PCDHA8: variants seen among roughly 807,000 people sequenced by gnomAD.
The protein encoded by PCDHA8 is protocadherin alpha 8.
In PCDHA8, 53 loss-of-function variants were observed where a neutral mutation model predicts 61.8. That is an observed-to-expected ratio of 0.86 (90% CI 0.69 to 1.08). The LOEUF (loss-of-function observed/expected upper bound fraction) is 1.08, where lower values mean the gene tolerates loss of function less well. Among genes scored for constraint, PCDHA8 ranks in the 50% least tolerant of loss-of-function variants. The probability of loss-of-function intolerance (pLI) is 0.00; values close to 1 mark genes in which losing one functional copy is unlikely to be tolerated. For synonymous variants in PCDHA8, 618 were observed against 556.6 expected, an observed-to-expected ratio of 1.11 and a Z score of -1.55; for missense variants, 1,293 against 1,245.0, an observed-to-expected ratio of 1.04 and a Z score of -0.58.
At chr5:140,876,082 C>A in intron 1 of PCDHA8, 1 of 1,613,932 alleles carries the variant, frequency 6.2e-7, no homozygotes, top group Non-Finnish European at 8.5e-7. Context: ...GGACAGAGAG[C>A]AAACGCCAAA....
intron 1 of PCDHA8, chr5:140,884,510 T>C: frequency 3.1e-6 from 5 of 1,613,982 alleles, no homozygotes; most frequent in Non-Finnish European, 3.4e-6. Context: ...GGCAGGGAGT[T>C]GGTCGTACTC....
At chr5:140,945,034 C>T (rs1218648203) in intron 1 of PCDHA8, among the ~76,000 whole-genome samples, 1 of 152,066 alleles carries the variant, frequency 6.6e-6, no homozygotes, top group East Asian at 1.9e-4. Flanking sequence ...ACATAATTAT[C>T]TTTGGTCTTA....
At chr5:141,005,469 C>T (rs549630927) in intron 3 of PCDHA8, among the ~76,000 whole-genome samples, 2 of 151,656 alleles carry the variant, frequency 1.3e-5, no homozygotes, top group South Asian at 2.1e-4. Flanking sequence ...TTTGGGAGGC[C>T]GAGACGGGCG....
chr5:140,946,574 G>A (rs246054), intron 1 of PCDHA8, among the ~76,000 whole-genome samples: 79,382 of 143,554 alleles, frequency 0.55, 22,609 homozygotes, highest in African/African-American at 0.68. Context: ...AATCAACTTA[G>A]GTGTTCATAG....
intron 1 of PCDHA8, among the ~76,000 whole-genome samples, chr5:140,939,041 T>G (rs2092303651): frequency 6.6e-6 from 1 of 152,222 alleles, no homozygotes; most frequent in Admixed American, 6.5e-5. Context: ...AAGAGTTGTC[T>G]TAGTCCATTT....
At chr5:140,845,294 A>T (rs2150378014) in intron 1 of PCDHA8, among the ~76,000 whole-genome samples, 1 of 149,472 alleles carries the variant, frequency 6.7e-6, no homozygotes, top group African/African-American at 2.4e-5. Flanking sequence ...TATCCTGTCT[A>T]TGTCTACCTG....
chr5:140,932,088 T>G (rs2088018403), intron 1 of PCDHA8, among the ~76,000 whole-genome samples: 1 of 151,932 alleles, frequency 6.6e-6, no homozygotes, highest in Non-Finnish European at 1.5e-5. Context: ...CAGGAAAACA[T>G]GGTTTTTATC....
intron 1 of PCDHA8, chr5:140,884,085 G>A (rs1181483962): frequency 6.2e-7 from 1 of 1,613,484 alleles, no homozygotes; most frequent in Non-Finnish European, 8.5e-7. Flanking sequence ...TACAATGCGT[G>A]GCTTTCGTAT....
intron 1 of PCDHA8, chr5:140,850,199 T>C (rs2041415028): frequency 1.9e-6 from 3 of 1,592,798 alleles, no homozygotes; most frequent in Admixed American, 1.7e-5. Context: ...TGCTGACACC[T>C]CGGATGAGGG....
At chr5:140,890,533 T>C (rs2062686259) in intron 1 of PCDHA8, among the ~76,000 whole-genome samples, 1 of 152,234 alleles carries the variant, frequency 6.6e-6, no homozygotes, top group South Asian at 2.1e-4. Context: ...TTGATCTTCT[T>C]TTGAAATGAC....
At chr5:140,967,845 A>T in intron 1 of PCDHA8, 1 of 1,614,160 alleles carries the variant, frequency 6.2e-7, no homozygotes, top group Non-Finnish European at 8.5e-7. Context: ...GACGTGAATG[A>T]CAATGCCCCA....
intron 1 of PCDHA8, among the ~76,000 whole-genome samples, chr5:140,887,841 T>C (rs1024646010): frequency 2.6e-5 from 4 of 152,224 alleles, no homozygotes; most frequent in African/African-American, 7.2e-5. Context: ...ATATCTTTTA[T>C]TGACATATTT....
chr5:140,856,512 G>T lies in PCDHA8; in HGVS notation c.2394+12797G>T, dbSNP rs781905206. On this transcript the variant is annotated intron_variant, in intron 1 of 3. Transcript: ENST00000531613. ...CTTGACTCTCGATTTCCACTAGAAG[G>T]CGCATCTGATGCGGATGTTGGAGAG... 1.9e-6 allele frequency: 3 copies of T among 1,598,396 alleles called. No individual in the cohort carries two copies. The South Asian group carries it at 3.3e-5, about 18-fold the overall frequency.
At chr5:140,894,184 A>T (rs1411546476) in intron 1 of PCDHA8, among the ~76,000 whole-genome samples, 13 of 152,046 alleles carry the variant, frequency 8.6e-5, no homozygotes, top group African/African-American at 3.1e-4. Context: ...TTCCATAGTT[A>T]TATATTTTTT....
chr5:140,882,577 C>T (rs370671644), intron 1 of PCDHA8: 45 of 1,614,120 alleles, frequency 2.8e-5, no homozygotes, highest in East Asian at 1.3e-4. Flanking sequence ...CGGAGTGCAG[C>T]ATCCACCTGG....
intron 1 of PCDHA8, chr5:140,856,277 A>T: frequency 1.9e-6 from 3 of 1,598,280 alleles, no homozygotes; most frequent in Non-Finnish European, 2.6e-6. Flanking sequence ...TCTGGAGGTA[A>T]ATCTGCAGAA....
chr5:140,986,238 A>G (rs1358537911), intron 3 of PCDHA8, among the ~76,000 whole-genome samples: 1 of 152,152 alleles, frequency 6.6e-6, no homozygotes. Context: ...CCTCTGTGTG[A>G]GCAGACCCGG....
chr5:140,992,681 G>A (rs575311513), intron 3 of PCDHA8, among the ~76,000 whole-genome samples: 2 of 152,286 alleles, frequency 1.3e-5, no homozygotes, highest in South Asian at 4.2e-4. Flanking sequence ...TGTGTGTTAG[G>A]GGTTGAGGGG....
chr5:140,967,608 C>T, intron 1 of PCDHA8: 1 of 1,614,160 alleles, frequency 6.2e-7, no homozygotes, highest in Non-Finnish European at 8.5e-7. Flanking sequence ...AAGCTGAATG[C>T]CTCAGACCCG....
Sources: gnomAD v4.1 joint callset for allele counts (sites outside exome capture counted in the v4.1 genomes callset) on GRCh38, gnomAD v4.1.1 for gene constraint, MANE v1.5 for transcripts, NCBI Gene and HGNC (gene_info 2026-07-23, HGNC 2026-07-21) for gene names.